ULK4: variants seen among roughly 807,000 people sequenced by gnomAD.
The protein encoded by ULK4 is unc-51 like kinase 4, also known as inactive serine/threonine-protein kinase ULK4.
ULK4 carries 133 observed loss-of-function variants against 160.6 expected under a neutral mutation model. The ratio of observed to expected loss-of-function variants is 0.83; its 90% CI spans 0.72 to 0.96. The LOEUF (loss-of-function observed/expected upper bound fraction) is 0.96, where lower values mean the gene tolerates loss of function less well. ULK4 is among the 40% of genes least tolerant of loss of function. ULK4 has a pLI of 0.00. For synonymous variants in ULK4, 534 were observed against 539.8 expected (o/e 0.99, Z 0.15); for missense variants, 1,580 against 1,499.5 (o/e 1.05, Z -0.89).
chr3:41,495,763 G>T (rs1194398995), intron 32 of ULK4, among the ~76,000 whole-genome samples: 1 of 151,638 alleles, frequency 6.6e-6, no homozygotes, highest in Non-Finnish European at 1.5e-5. Context: ...CAAAAAGTGG[G>T]CAAAGGATAT....
At chr3:41,802,462 A>G (rs2040490374) in intron 19 of ULK4, among the ~76,000 whole-genome samples, 1 of 151,982 alleles carries the variant, frequency 6.6e-6, no homozygotes, top group South Asian at 2.1e-4. Flanking sequence ...ATGCCCAGCC[A>G]ATTTTTTTTA....
At chr3:41,912,176 T>A (rs958611175) in intron 9 of ULK4, among the ~76,000 whole-genome samples, 1 of 151,676 alleles carries the variant, frequency 6.6e-6, no homozygotes, top group Non-Finnish European at 1.5e-5. Context: ...AAAAATACAA[T>A]AAATAGCTGA....
chr3:41,558,149 A>AC (rs2087374859), intron 32 of ULK4, among the ~76,000 whole-genome samples: 3 of 152,176 alleles, frequency 2.0e-5, no homozygotes, highest in Admixed American at 2.0e-4. Flanking sequence ...GTGTGAAAGG[A>AC]TACATGTATA....
chr3:41,432,911 T>C (rs1417207929), intron 34 of ULK4, among the ~76,000 whole-genome samples: 1 of 149,292 alleles, frequency 6.7e-6, no homozygotes, highest in Non-Finnish European at 1.5e-5. Flanking sequence ...ACCATGGAAG[T>C]AGTAGAAGAA....
In ULK4 at chr3:41,907,851, C is replaced by A; in HGVS notation, c.1176G>T (p.Leu392=). The A allele has an allele frequency of 1.3e-6, 2 of 1,576,742 alleles. No individual in the cohort carries two copies. Among genetic ancestry groups the A allele is most frequent in the South Asian group, 2.4e-5 (2 of 84,090 alleles). The change falls in exon 12 of 37, where the codon CTG becomes CTT. Residue 392 remains leucine (L), a synonymous_variant. Coordinates refer to ENST00000301831, the MANE Select transcript of ULK4 (RefSeq NM_017886.4). ...THCSPQKTSP[L]TKITSGHLSQ... ...ATTTCCCAAGTCTGCTCACCTTGGTCAGAGGAGAAGTCTTCTGTGGTGAAC... is the reference window on the plus strand; with the variant it reads ...ATTTCCCAAGTCTGCTCACCTTGGTAAGAGGAGAAGTCTTCTGTGGTGAAC...
At chr3:41,458,161 C>T (rs1358465702) in intron 33 of ULK4, among the ~76,000 whole-genome samples, 1 of 152,106 alleles carries the variant, frequency 6.6e-6, no homozygotes, top group Non-Finnish European at 1.5e-5. Flanking sequence ...ATTGAGCAAG[C>T]TGCTAGGTAT....
chr3:41,535,623 C>A (rs1188887852), intron 32 of ULK4, among the ~76,000 whole-genome samples: 2 of 152,204 alleles, frequency 1.3e-5, no homozygotes, highest in East Asian at 3.8e-4. Context: ...ATACTCAATG[C>A]CCACACAGTG....
Position 41,292,009 on chromosome 3 carries a change from T to G in ULK4, c.3679-42435A>C, listed in dbSNP as rs149881303. Among the ~76,000 whole-genome samples the G allele has an allele frequency of 5.0e-3, 763 of 151,780 alleles. 6 individuals carry two copies. The highest frequency in any genetic ancestry group is 0.017 in the African/African-American group (714 of 41,412). ...CCATGCCCGGCTATTTTTTTTTGTA[T>G]TTTTTAGTAGAGACGGGGTTTCACC... On this transcript the variant is annotated intron_variant, in intron 35 of 36. Transcript: ENST00000301831.
intron 35 of ULK4, among the ~76,000 whole-genome samples, chr3:41,329,714 T>C (rs2080406100): frequency 6.6e-6 from 1 of 152,184 alleles, no homozygotes; most frequent in African/African-American, 2.4e-5. Flanking sequence ...ATTTACATAA[T>C]AGATATTCCA....
At chr3:41,601,383 G>A in intron 31 of ULK4, among the ~76,000 whole-genome samples, 1 of 152,110 alleles carries the variant, frequency 6.6e-6, no homozygotes, top group Non-Finnish European at 1.5e-5. Flanking sequence ...CTCCTTTATG[G>A]AAAAATTCGA....
intron 27 of ULK4, among the ~76,000 whole-genome samples, chr3:41,695,182 T>G (rs186078730): frequency 3.4e-4 from 52 of 152,334 alleles, no homozygotes; most frequent in African/African-American, 1.2e-3. Flanking sequence ...ACCCTCATGA[T>G]CTAATCATCT....
At chr3:41,628,170 A>G (rs987361784) in intron 30 of ULK4, among the ~76,000 whole-genome samples, 11 of 152,258 alleles carry the variant, frequency 7.2e-5, no homozygotes, top group Admixed American at 4.6e-4. Context: ...GATAGCCTAC[A>G]AACTGTCACA....
intron 27 of ULK4, among the ~76,000 whole-genome samples, chr3:41,694,169 G>A (rs931154951): frequency 1.3e-5 from 2 of 152,190 alleles, no homozygotes; most frequent in South Asian, 2.1e-4. Flanking sequence ...AATACAGAAC[G>A]GGCAATGGCA....
chr3:41,735,947 T>C (rs1343603978), intron 22 of ULK4, among the ~76,000 whole-genome samples: 3 of 148,794 alleles, frequency 2.0e-5, no homozygotes. Flanking sequence ...CGGTGTTTGG[T>C]TTTTTGTCCT....
chr3:41,367,839 T>G (rs1049109974), intron 35 of ULK4, among the ~76,000 whole-genome samples: 1 of 152,108 alleles, frequency 6.6e-6, no homozygotes, highest in Non-Finnish European at 1.5e-5. Context: ...CCTAATTCAT[T>G]TAGAAATATG....
chr3:41,791,440 T>C (rs950641271), intron 20 of ULK4, among the ~76,000 whole-genome samples: 1 of 152,194 alleles, frequency 6.6e-6, no homozygotes, highest in Non-Finnish European at 1.5e-5. Flanking sequence ...TCAATCTTTA[T>C]GAAAATGCTA....
chr3:41,297,926 C>T (rs922041550), intron 35 of ULK4, among the ~76,000 whole-genome samples: 1 of 152,200 alleles, frequency 6.6e-6, no homozygotes, highest in Non-Finnish European at 1.5e-5. Context: ...ATGTTACACA[C>T]TTTTAGCACC....
chr3:41,291,017 C>T (rs1392060588), intron 35 of ULK4, among the ~76,000 whole-genome samples: 1 of 152,164 alleles, frequency 6.6e-6, no homozygotes, highest in East Asian at 1.9e-4. Flanking sequence ...AGGCCTCCTC[C>T]TGAGAATTCA....
intron 27 of ULK4, among the ~76,000 whole-genome samples, chr3:41,693,387 T>C (rs1028109871): frequency 6.6e-6 from 1 of 152,180 alleles, no homozygotes; most frequent in Non-Finnish European, 1.5e-5. Flanking sequence ...AAACTAAATA[T>C]GAACAAGGTT....
Sources: gnomAD v4.1 joint callset for allele counts (sites outside exome capture counted in the v4.1 genomes callset) on GRCh38, gnomAD v4.1.1 for gene constraint, MANE v1.5 for transcripts, NCBI Gene and HGNC (gene_info 2026-07-23, HGNC 2026-07-21) for gene names.